The following DNAH9 variants were observed in gnomAD, a reference collection of about 807,000 sequenced individuals.
DNAH9 encodes DNAH9 variant protein.
DNAH9 carries 345 observed loss-of-function variants against 471.6 expected under a neutral mutation model. The observed-to-expected ratio is 0.73, with a 90% CI of 0.67 to 0.80. DNAH9 has a LOEUF of 0.80. Ranked by LOEUF, DNAH9 falls within the 30% of genes least tolerant of loss-of-function variation. The pLI, the probability that DNAH9 is intolerant of heterozygous loss-of-function variation, is 0.00. For synonymous variants in DNAH9, 2,093 were observed against 2,123.6 expected (o/e 0.99, Z 0.40); for missense variants, 5,407 against 5,609.2 (o/e 0.96, Z 1.15).
intron 18 of DNAH9, among the ~76,000 whole-genome samples, chr17:11,680,494 C>T (rs1038825916): frequency 6.6e-6 from 1 of 152,096 alleles, no homozygotes. Flanking sequence ...AGGTTGAGAG[C>T]AAGAAGGTTA....
rs186124196 is a variant in DNAH9, at chr17:11,654,669, A to G, written c.2595+1667A>G. Among the ~76,000 whole-genome samples the G allele has an allele frequency of 5.3e-3, 804 of 152,194 alleles. 7 individuals are homozygous for G. Among genetic ancestry groups the G allele is most frequent in the Middle Eastern group, 0.037 (11 of 294 alleles). On this transcript the variant is annotated intron_variant, in intron 14 of 68. Coordinates refer to ENST00000262442, the MANE Select transcript of DNAH9 (RefSeq NM_001372.4). ...AGACACTTTAATAATAATTCTTACT[A>G]TAACACAATAATAGTAGTTGATATT...
chr17:11,852,371 C>T (rs76902297), intron 49 of DNAH9, among the ~76,000 whole-genome samples: 139 of 152,182 alleles, frequency 9.1e-4, no homozygotes, highest in African/African-American at 3.2e-3. Context: ...GTACCTTTCA[C>T]GGATATTTCT....
chr17:11,713,401 C>A lies in DNAH9; in HGVS notation c.5553-5933C>A, dbSNP rs541505707. Among the ~76,000 whole-genome samples the A allele has an allele frequency of 5.3e-5, 8 of 152,120 alleles. No homozygotes were observed. In the South Asian group the frequency reaches 1.2e-3, roughly 24 times the overall value. ...TCTTTATGGCAGAATGATTTATATT[C>A]CTCTGGGTATATACCCAGTAATGGG... is the stretch of plus-strand genomic sequence containing the variant. On this transcript the variant is annotated intron_variant, in intron 26 of 68. Transcript: ENST00000262442.
Position 11,934,007 on chromosome 17 carries a change from G to A in DNAH9, c.12425G>A (p.Gly4142Glu). The A allele has an allele frequency of 1.2e-6, 2 of 1,614,096 alleles. No homozygotes were observed. The highest frequency in any genetic ancestry group is 2.2e-5 in the East Asian group (1 of 44,886). Reference sequence around the variant, plus strand: ...TTCATTCGACCAGAAATGTTAGAAGGAGAACTGTCTTTGGCCCCAGGGTTC... The same window carrying A: ...TTCATTCGACCAGAAATGTTAGAAGAAGAACTGTCTTTGGCCCCAGGGTTC... The part of the protein sequence containing the change: ...GEFIRPEMLE[G>E]ELSLAPGFPL... Residue 4142 changes from glycine to glutamate, a missense_variant, in exon 65 of 69, where the codon GGA becomes GAA. By Grantham distance (98) the Gly-to-Glu change is moderately conservative. Around this residue, in one of 3 missense-constraint regions of DNAH9, gnomAD observed 4,636 missense variants for 4,900.3 expected, o/e 0.95. Coordinates refer to ENST00000262442, the MANE Select transcript of DNAH9 (RefSeq NM_001372.4).
At chr17:11,854,514 C>T (rs1971553753) in intron 50 of DNAH9, 86 bp downstream of exon 50, 8 of 1,431,424 alleles carry the variant, frequency 5.6e-6, no homozygotes, top group East Asian at 4.8e-5. Flanking sequence ...CCTAACGTTA[C>T]GGTTTTTAAA....
intron 61 of DNAH9, among the ~76,000 whole-genome samples, chr17:11,921,667 T>C (rs1297821727): frequency 6.6e-6 from 1 of 152,178 alleles, no homozygotes; most frequent in African/African-American, 2.4e-5. Flanking sequence ...TCCGCACCCA[T>C]GAGGCTCACA....
At chr17:11,946,663 C>CAG (rs1975135886) in intron 67 of DNAH9, among the ~76,000 whole-genome samples, 1 of 67,942 alleles carries the variant, frequency 1.5e-5, no homozygotes, top group Non-Finnish European at 2.7e-5. Flanking sequence ...GACTCCATCT[C>CAG]AAAAAAAAAA....
At chr17:11,848,067 A>C (rs1433996892) in intron 49 of DNAH9, among the ~76,000 whole-genome samples, 1 of 151,970 alleles carries the variant, frequency 6.6e-6, no homozygotes, top group Non-Finnish European at 1.5e-5. Flanking sequence ...ACTCACCCTA[A>C]CATTACTAGC....
Position 11,693,283 on chromosome 17 carries a change from C to T in DNAH9, c.4615-585C>T, listed in dbSNP as rs1461770463. On this transcript the variant is annotated intron_variant, in intron 20 of 68. Coordinates refer to ENST00000262442, the MANE Select transcript of DNAH9 (RefSeq NM_001372.4). ...TTTTTGAGACAAAGTCTCCCTCTGTCGTCCAGGCTGGAGTACAGTGGCACG... is the reference window on the plus strand; with the variant it reads ...TTTTTGAGACAAAGTCTCCCTCTGTTGTCCAGGCTGGAGTACAGTGGCACG... 4.2e-5 allele frequency among the ~76,000 whole-genome samples: 5 copies of T among 117,964 alleles called. No homozygotes were observed. The East Asian group carries it at 1.0e-3, about 24-fold the overall frequency. 77.4% of individuals were successfully genotyped at this position (117,964 alleles called of 152,430 possible).
chr17:11,598,942 G>GC (rs766028464), intron 1 of DNAH9, 27 bp downstream of exon 1: 3 of 1,445,012 alleles, frequency 2.1e-6, no homozygotes, highest in Non-Finnish European at 2.7e-6. Context: ...GTCCCCGCGC[G>GC]GCTAAAGCTG....
chr17:11,938,479 A>C (rs1974788369), intron 66 of DNAH9, among the ~76,000 whole-genome samples: 1 of 151,372 alleles, frequency 6.6e-6, no homozygotes, highest in Non-Finnish European at 1.5e-5. Flanking sequence ...ACAAAAAAAG[A>C]ATGGGCCACC....
At chr17:11,843,753 C>G (rs944078615) in intron 49 of DNAH9, among the ~76,000 whole-genome samples, 1 of 149,726 alleles carries the variant, frequency 6.7e-6, no homozygotes, top group African/African-American at 2.4e-5. Flanking sequence ...ACAAGAAAAA[C>G]TTTCAGATTT....
At chr17:11,906,245 C>T (rs1462934426) in intron 61 of DNAH9, among the ~76,000 whole-genome samples, 1 of 152,102 alleles carries the variant, frequency 6.6e-6, no homozygotes, top group African/African-American at 2.4e-5. Context: ...ATAAAGATAC[C>T]CGCATGTATA....
chr17:11,621,162 C>T (rs1436026608), intron 6 of DNAH9, among the ~76,000 whole-genome samples: 1 of 151,980 alleles, frequency 6.6e-6, no homozygotes, highest in Non-Finnish European at 1.5e-5. Context: ...GTAATCCCAG[C>T]CCTTTGGGAG....
At chr17:11,613,559 C>T (rs1302620934) in intron 4 of DNAH9, among the ~76,000 whole-genome samples, 1 of 152,094 alleles carries the variant, frequency 6.6e-6, no homozygotes, top group Non-Finnish European at 1.5e-5. Context: ...GAGTCGAGAT[C>T]GCGTCACCGC....
chr17:11,660,414 C>CT (rs1316637449), intron 14 of DNAH9, among the ~76,000 whole-genome samples: 25 of 151,194 alleles, frequency 1.7e-4, no homozygotes, highest in Non-Finnish European at 8.8e-5. Flanking sequence ...CCTGCGCTTC[C>CT]CAGGCTCAAG....
At chr17:11,813,691 A>G (rs2150931797) in intron 45 of DNAH9, among the ~76,000 whole-genome samples, 1 of 152,296 alleles carries the variant, frequency 6.6e-6, no homozygotes, top group South Asian at 2.1e-4. Context: ...GTTTCCTCTC[A>G]CACTTCTTTA....
In DNAH9 at chr17:11,689,759, A is replaced by G. The variant is rs1041815025; in HGVS notation, c.3937A>G (p.Thr1313Ala). Residue 1313 changes from threonine to alanine, a missense_variant, in exon 20 of 69, where the codon ACC becomes GCC. Physicochemically the swap from Thr to Ala is moderately conservative, Grantham distance 58. This residue lies in a region of DNAH9 where 4,636 missense variants were observed against 4,900.3 expected (regional missense o/e 0.95). Transcript: ENST00000262442. ...KELWDTIGMV[T>A]SSIHAWETTP... The stretch of plus-strand genomic sequence containing the variant: ...GCTCTGGGACACCATTGGAATGGTG[A>G]CCTCCAGCATCCATGCCTGGGAGAC... The G allele has an allele frequency of 1.2e-6, 2 of 1,613,886 alleles. No homozygotes were observed. The highest frequency in any genetic ancestry group is 2.7e-5 in the African/African-American group (2 of 74,930).
In DNAH9 at chr17:11,872,106, G is replaced by A. The variant is rs143556161; in HGVS notation, c.10242+320G>A. The stretch of plus-strand genomic sequence containing the variant: ...GAGAGATAGAAAAAGAACCATTTTC[G>A]TCTCTGATCTCCCCACTCCAGAGCC... On this transcript the variant is annotated intron_variant, in intron 52 of 68. Coordinates refer to ENST00000262442, the MANE Select transcript of DNAH9 (RefSeq NM_001372.4). Among the ~76,000 whole-genome samples the A allele has an allele frequency of 1.3e-4, 20 of 152,152 alleles. No homozygotes were observed. In the East Asian group the frequency reaches 3.9e-3, roughly 29 times the overall value.
Sources: allele counts gnomAD v4.1 joint callset (sites outside exome capture counted in the v4.1 genomes callset), GRCh38; gene constraint gnomAD v4.1.1; regional missense constraint gnomAD v4.1.1; transcripts MANE v1.5; gene names NCBI Gene and HGNC (gene_info 2026-07-23, HGNC 2026-07-21).